The following FOXP1 variants were observed in gnomAD, a reference collection of about 807,000 sequenced individuals.
FOXP1 encodes the protein forkhead box P1, also known as forkhead box protein P1.
A neutral mutation model predicts 98.2 loss-of-function variants in FOXP1; 15 were observed. The ratio of observed to expected loss-of-function variants is 0.15; its 90% CI spans 0.10 to 0.24. The LOEUF is 0.24. FOXP1 is among the 10% of genes least tolerant of loss of function. The pLI is 1.00. For missense variants in FOXP1, 633 were observed against 848.5 expected (o/e 0.75, Z 3.15); for synonymous variants, 371 against 314.5 (o/e 1.18, Z -1.90).
chr3:71,019,402 T>C (rs541116076), intron 11 of FOXP1, among the ~76,000 whole-genome samples: 6 of 152,336 alleles, frequency 3.9e-5, no homozygotes, highest in African/African-American at 1.2e-4. Flanking sequence ...TTAAACATGT[T>C]TGTCAAAATT....
chr3:71,027,070 T>C (rs2046225896), intron 11 of FOXP1, among the ~76,000 whole-genome samples: 1 of 152,176 alleles, frequency 6.6e-6, no homozygotes, highest in African/African-American at 2.4e-5. Flanking sequence ...ACAGAATGCT[T>C]TCCAAAAAGT....
intron 7 of FOXP1, among the ~76,000 whole-genome samples, chr3:71,108,009 C>G (rs1221919164): frequency 6.6e-6 from 1 of 152,126 alleles, no homozygotes; most frequent in Non-Finnish European, 1.5e-5. Flanking sequence ...AGTGAAATGG[C>G]CTTCTGAGTA....
intron 19 of FOXP1, among the ~76,000 whole-genome samples, chr3:70,967,264 A>ATCTG (rs1392207589): frequency 1.3e-5 from 2 of 152,228 alleles, no homozygotes; most frequent in African/African-American, 4.8e-5. Flanking sequence ...GGCTGCAGAA[A>ATCTG]TCTGTCTGGC....
At chr3:70,971,940 T>C (rs1227564042) in intron 18 of FOXP1, 1 of 1,246,596 alleles carries the variant, frequency 8.0e-7, no homozygotes, top group Non-Finnish European at 1.0e-6. Context: ...CAAAACTACA[T>C]GGGATGAGTC....
At chr3:71,002,696 A>G (rs2042268390) in intron 12 of FOXP1, among the ~76,000 whole-genome samples, 1 of 152,142 alleles carries the variant, frequency 6.6e-6, no homozygotes, top group African/African-American at 2.4e-5. Flanking sequence ...GAGATTTGCA[A>G]AAGAGCCCAC....
chr3:71,257,462 G>A (rs2068727154), intron 5 of FOXP1, among the ~76,000 whole-genome samples: 3 of 152,024 alleles, frequency 2.0e-5, no homozygotes, highest in South Asian at 4.2e-4. Context: ...GCAGGCCCCT[G>A]TAATCCCAGC....
chr3:71,308,749 ATGTGTGTGTGTGTGTGTG>A (rs71104439), intron 4 of FOXP1, among the ~76,000 whole-genome samples: 1,912 of 132,250 alleles, frequency 0.014, 28 homozygotes, highest in African/African-American at 0.024. Flanking sequence ...TTCTACCACA[ATGTGTGTGTGTGTGTGTG>A]TGTGTGTGTG....
intron 5 of FOXP1, among the ~76,000 whole-genome samples, chr3:71,240,237 G>A (rs1649334113): frequency 6.6e-6 from 1 of 152,214 alleles, no homozygotes; most frequent in Admixed American, 6.5e-5. Flanking sequence ...ACTCCCACTG[G>A]CTTCGGCGAG....
rs562096324 is a variant in FOXP1 at position 71,320,267 on chromosome 3, C to T, written c.-72-20387G>A. On this transcript the variant is annotated intron_variant, in intron 4 of 20. Transcript: ENST00000649528. ...AACAATTTCTTAGCTTTCTAAGGCCCGGAAGGCCAAGGGGAAGCATCTAGA... is the reference window on the plus strand; with the variant it reads ...AACAATTTCTTAGCTTTCTAAGGCCTGGAAGGCCAAGGGGAAGCATCTAGA... Among the ~76,000 whole-genome samples the T allele has an allele frequency of 3.9e-5, 6 of 152,074 alleles. No individual in the cohort carries two copies. In the South Asian group the frequency reaches 1.2e-3, roughly 32 times the overall value.
chr3:70,970,866 A>T, intron 18 of FOXP1, 61 bp from the exon 19 acceptor site: 1 of 1,347,854 alleles, frequency 7.4e-7, no homozygotes, highest in Non-Finnish European at 1.1e-6. Flanking sequence ...GTTCCTAGCT[A>T]AGTTTTGTTT....
At chr3:71,107,580 A>G (rs902332079) in intron 7 of FOXP1, among the ~76,000 whole-genome samples, 7 of 152,184 alleles carry the variant, frequency 4.6e-5, no homozygotes, top group African/African-American at 1.7e-4. Context: ...TAGGGGTGCC[A>G]ATTCTAGACT....
At chr3:71,196,704 G>C (rs746768534) in intron 6 of FOXP1, among the ~76,000 whole-genome samples, 4 of 152,142 alleles carry the variant, frequency 2.6e-5, no homozygotes, top group Non-Finnish European at 5.9e-5. Context: ...ACAAATACAC[G>C]GAGACCCTTT....
At chr3:71,524,904 C>CG (rs1229652166) in intron 2 of FOXP1, among the ~76,000 whole-genome samples, 1 of 152,156 alleles carries the variant, frequency 6.6e-6, no homozygotes, top group Non-Finnish European at 1.5e-5. Flanking sequence ...GGTCACCGTG[C>CG]GGCCCACTTG....
At chr3:71,092,407 C>G (rs2055974520) in intron 7 of FOXP1, among the ~76,000 whole-genome samples, 1 of 151,744 alleles carries the variant, frequency 6.6e-6, no homozygotes, top group South Asian at 2.1e-4. Context: ...CCAGGATGTG[C>G]CAGTCTGTGT....
intron 2 of FOXP1, among the ~76,000 whole-genome samples, chr3:71,556,665 CTT>C (rs557870209): frequency 2.9e-5 from 4 of 136,762 alleles, no homozygotes; most frequent in Admixed American, 7.4e-5. Context: ...CTGCCATAGT[CTT>C]TTTTTTTTTT....
rs757982529 is a variant in FOXP1, at chr3:71,193,166, G to T, written c.180+5036C>A. 3.3e-3 allele frequency among the ~76,000 whole-genome samples: 464 copies of T among 140,156 alleles called. 3 individuals are homozygous for T. Among genetic ancestry groups the T allele is most frequent in the African/African-American group, 0.012 (428 of 35,974 alleles). 91.9% of individuals were successfully genotyped at this position (140,156 alleles called of 152,430 possible). ...TGTTGTTTATTTGTGTTTTTTTTTT[G>T]AGACGGAGTCTTGCTCTGTTGCCCA... On this transcript the variant is annotated intron_variant, in intron 6 of 20. Transcript: ENST00000649528.
At chr3:71,153,141 G>A (rs575958020) in intron 6 of FOXP1, among the ~76,000 whole-genome samples, 34 of 152,298 alleles carry the variant, frequency 2.2e-4, no homozygotes, top group African/African-American at 7.7e-4. Context: ...AAGGCACAGA[G>A]GGGTACCCGG....
intron 2 of FOXP1, among the ~76,000 whole-genome samples, chr3:71,502,921 C>A (rs2041505924): frequency 6.7e-6 from 1 of 149,178 alleles, no homozygotes; most frequent in Admixed American, 6.7e-5. Context: ...GGTCACAACA[C>A]TAAGTGCAAT....
chr3:71,034,256 A>G (rs1386782657), intron 11 of FOXP1, among the ~76,000 whole-genome samples: 1 of 152,156 alleles, frequency 6.6e-6, no homozygotes, highest in Admixed American at 6.5e-5. Context: ...TACCATCTGG[A>G]CTTGATCCGG....
Sources: gnomAD v4.1 joint callset for allele counts (sites outside exome capture counted in the v4.1 genomes callset) on GRCh38, gnomAD v4.1.1 for gene constraint, MANE v1.5 for transcripts, NCBI Gene and HGNC (gene_info 2026-07-23, HGNC 2026-07-21) for gene names.